The following DPP10 variants were observed in gnomAD, a reference collection of about 807,000 sequenced individuals.
DPP10 encodes dipeptidyl peptidase like 10, also known as inactive dipeptidyl peptidase 10.
Under a neutral mutation model 120.9 loss-of-function variants are expected in DPP10, and 33 were observed. The ratio of observed to expected loss-of-function variants is 0.27; its 90% CI spans 0.21 to 0.37. DPP10 has a LOEUF of 0.37. Ranked by LOEUF, DPP10 falls within the 10% of genes least tolerant of loss-of-function variation. The probability of loss-of-function intolerance (pLI) is 1.00; values close to 1 mark genes in which losing one functional copy is unlikely to be tolerated. For synonymous variants in DPP10, 337 were observed against 326.1 expected (o/e 1.03, Z -0.36); for missense variants, 816 against 942.8 (o/e 0.87, Z 1.76).
chr2:114,470,684 T>A (rs556595224), intron 1 of DPP10, among the ~76,000 whole-genome samples: 1 of 152,362 alleles, frequency 6.6e-6, no homozygotes, highest in East Asian at 1.9e-4. Context: ...GTAGCTATAT[T>A]CATGTATGTG....
chr2:114,444,448 A>G (rs1406528455), intron 1 of DPP10, among the ~76,000 whole-genome samples: 1 of 152,196 alleles, frequency 6.6e-6, no homozygotes, highest in Non-Finnish European at 1.5e-5. Context: ...GTCTGAGGTC[A>G]CAGGAATCAA....
chr2:115,367,714 A>C (rs144096482), intron 3 of DPP10, among the ~76,000 whole-genome samples: 1,552 of 152,172 alleles, frequency 0.01, 24 homozygotes, highest in African/African-American at 0.036. Context: ...ATGAATAACA[A>C]GCACTAATAC....
At chr2:115,233,630 A>G (rs1191925095) in intron 1 of DPP10, among the ~76,000 whole-genome samples, 1 of 152,160 alleles carries the variant, frequency 6.6e-6, no homozygotes, top group Non-Finnish European at 1.5e-5. Flanking sequence ...AGTTTTTCTT[A>G]GGGACTCTGG....
At chr2:114,809,571 A>C (rs549587044) in intron 1 of DPP10, among the ~76,000 whole-genome samples, 125 of 152,228 alleles carry the variant, frequency 8.2e-4, no homozygotes, top group African/African-American at 2.8e-3. Context: ...TTTCTTTGTG[A>C]CAATCGTGTG....
intron 1 of DPP10, chr2:115,064,758 A>G: frequency 7.7e-7 from 1 of 1,304,226 alleles, no homozygotes; most frequent in South Asian, 1.2e-5. Context: ...CCACTTAGCA[A>G]TGGTCATCAC....
intron 13 of DPP10, among the ~76,000 whole-genome samples, chr2:115,773,339 TA>T (rs1681700202): frequency 6.6e-6 from 1 of 152,100 alleles, no homozygotes; most frequent in African/African-American, 2.4e-5. Flanking sequence ...TAAATCGCAT[TA>T]TAAAACCAAT....
intron 1 of DPP10, among the ~76,000 whole-genome samples, chr2:114,693,011 TG>T (rs1312476584): frequency 6.6e-6 from 1 of 152,122 alleles, no homozygotes; most frequent in Non-Finnish European, 1.5e-5. Context: ...AGCATAGTGA[TG>T]GGTCTTGGCC....
intron 4 of DPP10, among the ~76,000 whole-genome samples, chr2:115,505,718 G>A (rs577238556): frequency 1.2e-4 from 18 of 152,128 alleles, no homozygotes; most frequent in Non-Finnish European, 2.2e-4. Flanking sequence ...AAAAATACTG[G>A]CCAAAGGATA....
intron 13 of DPP10, among the ~76,000 whole-genome samples, chr2:115,773,120 G>A (rs898963496): frequency 1.3e-5 from 2 of 152,108 alleles, no homozygotes; most frequent in Admixed American, 1.3e-4. Context: ...CATCTGATTA[G>A]GACATTGTCT....
chr2:115,595,578 G>GA (rs765207819), intron 5 of DPP10, among the ~76,000 whole-genome samples: 3 of 151,952 alleles, frequency 2.0e-5, no homozygotes, highest in South Asian at 4.1e-4. Context: ...TTAATTTATA[G>GA]AAAAAATGAA....
chr2:115,342,985 C>T (rs934076715), intron 2 of DPP10, among the ~76,000 whole-genome samples: 3 of 152,136 alleles, frequency 2.0e-5, no homozygotes, highest in Non-Finnish European at 4.4e-5. Context: ...ATATCCTTGA[C>T]ATTTTATTTT....
chr2:115,450,901 A>C (rs1474231701), intron 3 of DPP10, among the ~76,000 whole-genome samples: 2 of 151,992 alleles, frequency 1.3e-5, no homozygotes, highest in African/African-American at 4.8e-5. Context: ...TAATGAAAAT[A>C]TTAACAGACT....
intron 1 of DPP10, among the ~76,000 whole-genome samples, chr2:115,006,437 G>A (rs1206828100): frequency 2.5e-4 from 37 of 149,918 alleles, no homozygotes; most frequent in African/African-American, 9.1e-4. Context: ...TAGATAAAGA[G>A]TCAAGACCCA....
At chr2:114,500,838 A>T (rs1021854162) in intron 1 of DPP10, among the ~76,000 whole-genome samples, 1 of 152,198 alleles carries the variant, frequency 6.6e-6, no homozygotes, top group Non-Finnish European at 1.5e-5. Context: ...TGGAAGGAAG[A>T]TCAAGGCAGG....
chr2:115,363,588 C>A (rs2064912332), intron 3 of DPP10, among the ~76,000 whole-genome samples: 1 of 152,164 alleles, frequency 6.6e-6, no homozygotes, highest in Non-Finnish European at 1.5e-5. Context: ...CTGTCAGTGG[C>A]CATATCTTCT....
At chr2:115,021,119 C>T (rs563187385) in intron 1 of DPP10, among the ~76,000 whole-genome samples, 17 of 151,950 alleles carry the variant, frequency 1.1e-4, no homozygotes, top group Non-Finnish European at 2.4e-4. Context: ...ACTAGAGAAA[C>T]AAGAACAATA....
At chr2:115,085,522 A>T (rs1413238852) in intron 1 of DPP10, among the ~76,000 whole-genome samples, 2 of 152,234 alleles carry the variant, frequency 1.3e-5, no homozygotes, top group Non-Finnish European at 2.9e-5. Flanking sequence ...TTACACTTAG[A>T]AAATGCATAG....
At chr2:114,557,761 A>T (rs1433812117) in intron 1 of DPP10, among the ~76,000 whole-genome samples, 1 of 152,166 alleles carries the variant, frequency 6.6e-6, no homozygotes, top group Admixed American at 6.5e-5. Flanking sequence ...TAGCTGAAAC[A>T]ATGAAAGGAA....
At chr2:115,048,974 G>C (rs1406551641) in intron 1 of DPP10, among the ~76,000 whole-genome samples, 9 of 151,920 alleles carry the variant, frequency 5.9e-5, no homozygotes, top group Non-Finnish European at 1.2e-4. Flanking sequence ...TACATGCAGA[G>C]GGCTATGTTT....
Sources: allele counts gnomAD v4.1 joint callset (sites outside exome capture counted in the v4.1 genomes callset), GRCh38; gene constraint gnomAD v4.1.1; transcripts MANE v1.5; gene names NCBI Gene and HGNC (gene_info 2026-07-23, HGNC 2026-07-21).